The following FILIP1L variants were observed in gnomAD, a reference collection of about 807,000 sequenced individuals.
FILIP1L encodes the protein filamin A interacting protein 1 like.
A neutral mutation model predicts 96.6 loss-of-function variants in FILIP1L; 55 were observed. The ratio of observed to expected loss-of-function variants is 0.57; its 90% CI spans 0.46 to 0.71. The LOEUF (loss-of-function observed/expected upper bound fraction) is 0.71, where lower values mean the gene tolerates loss of function less well. Ranked by LOEUF, FILIP1L falls within the 30% of genes least tolerant of loss-of-function variation. The pLI is 0.00. For synonymous variants in FILIP1L, 467 were observed against 473.9 expected (o/e 0.99, Z 0.19); for missense variants, 1,304 against 1,321.2 (o/e 0.99, Z 0.20).
At position 99,857,111 on chromosome 3, in the gene FILIP1L, A is replaced by G. The variant is rs148580599; in HGVS notation, c.606-6041T>C. ...CACATGAATTTTTTTTGAATAAATG[A>G]AAGAATGAACAAATACTCCCTTTTG... is the stretch of plus-strand genomic sequence containing the variant. On this transcript the variant is annotated intron_variant, in intron 4 of 5. Transcript: ENST00000477258. Among the ~76,000 whole-genome samples the G allele has an allele frequency of 1.7e-3, 263 of 152,350 alleles. 1 individual carries two copies. The highest frequency in any genetic ancestry group is 2.6e-3 in the Non-Finnish European group (178 of 68,032).
At chr3:99,900,925 G>T (rs964343741) in intron 4 of FILIP1L, among the ~76,000 whole-genome samples, 1 of 152,230 alleles carries the variant, frequency 6.6e-6, no homozygotes, top group Non-Finnish European at 1.5e-5. Flanking sequence ...GAGTATGCCT[G>T]AGGGGAAGGG....
chr3:99,848,601 G>A lies in FILIP1L; in HGVS notation c.3075C>T (p.Ile1025=). 1.2e-6 allele frequency: 2 copies of A among 1,614,186 alleles called. No individual in the cohort carries two copies. The highest frequency in any genetic ancestry group is 1.7e-6 in the Non-Finnish European group (2 of 1,180,030). The change falls in exon 5 of 6, where the codon ATC becomes ATT. Residue 1025 remains isoleucine, a synonymous_variant. Transcript: ENST00000477258. ...CTCTGAATATCGCATGCTTGGCACT[G>A]ATTTCTGTTGGTTCTGGGGAGCGTC... ...EQGRSPEPTE[I]SAKHAIFRVS...
At chr3:100,078,856 A>G (rs1008346400) in intron 1 of FILIP1L, among the ~76,000 whole-genome samples, 1 of 152,120 alleles carries the variant, frequency 6.6e-6, no homozygotes, top group Admixed American at 6.5e-5. Flanking sequence ...ACACCACTGC[A>G]CTCCAGCCTG....
At chr3:99,970,612 C>G (rs1708784564) in intron 1 of FILIP1L, among the ~76,000 whole-genome samples, 1 of 152,154 alleles carries the variant, frequency 6.6e-6, no homozygotes, top group South Asian at 2.1e-4. Flanking sequence ...GAAAATAGTT[C>G]TAGACCTTGC....
At chr3:100,078,035 A>C (rs1214419561) in intron 1 of FILIP1L, among the ~76,000 whole-genome samples, 1 of 152,180 alleles carries the variant, frequency 6.6e-6, no homozygotes. Context: ...TTGTACTAAC[A>C]ATATTGAGTT....
Position 99,850,996 on chromosome 3 carries a change from G to T in FILIP1L, c.680C>A (p.Thr227Asn). 1 of 1,613,814 alleles carries T rather than the reference G, an allele frequency of 6.2e-7. No individual in the cohort carries two copies. The highest frequency in any genetic ancestry group is 1.1e-5 in the South Asian group (1 of 91,032). ...CAGCTTGGTCAGCTCCTCTTTCAGG[G>T]TGGTGACCCTTTTCTCCTTTTCTTG... ...KEQEKEKRVT[T>N]LKEELTKLKS... is the part of the protein sequence containing the mutation. Residue 227 changes from threonine to asparagine, a missense_variant, in exon 5 of 6, where the codon ACC becomes AAC. Thr to Asn is a moderately conservative substitution (Grantham distance 65). Coordinates refer to ENST00000477258, the MANE Select transcript of FILIP1L (RefSeq NM_001387850.1).
intron 1 of FILIP1L, among the ~76,000 whole-genome samples, chr3:99,945,605 T>C (rs1707985903): frequency 6.6e-6 from 1 of 152,238 alleles, no homozygotes; most frequent in South Asian, 2.1e-4. Context: ...GCAATGATTA[T>C]GAAGCATTTA....
intron 4 of FILIP1L, among the ~76,000 whole-genome samples, chr3:99,896,767 GA>G (rs1706268534): frequency 6.6e-6 from 1 of 152,110 alleles, no homozygotes; most frequent in South Asian, 2.1e-4. Flanking sequence ...GGTTCCAGAG[GA>G]CTAGGGTTTA....
intron 4 of FILIP1L, among the ~76,000 whole-genome samples, chr3:99,908,401 C>A (rs1383598071): frequency 6.6e-6 from 1 of 152,190 alleles, no homozygotes; most frequent in South Asian, 2.1e-4. Context: ...ATTTGAAATA[C>A]CATTATGTTC....
Position 99,937,692 on chromosome 3 carries a change from G to A in FILIP1L, c.-10-6662C>T, listed in dbSNP as rs74655957. On this transcript the variant is annotated intron_variant, in intron 1 of 5. Transcript: ENST00000477258. ...TTGGACCTCAGCAGGGATTTATTGAGTGATTGAATCATGCAGTCCTCAGCA... is the reference window on the plus strand; with the variant it reads ...TTGGACCTCAGCAGGGATTTATTGAATGATTGAATCATGCAGTCCTCAGCA... Among the ~76,000 whole-genome samples the A allele has an allele frequency of 2.0e-5, 3 of 152,322 alleles. No homozygotes were observed. In the East Asian group the frequency reaches 5.8e-4, roughly 29 times the overall value.
intron 4 of FILIP1L, among the ~76,000 whole-genome samples, chr3:99,914,502 A>G (rs943959249): frequency 6.6e-6 from 1 of 152,172 alleles, no homozygotes; most frequent in African/African-American, 2.4e-5. Context: ...GATTCATGTC[A>G]TTAACATTCA....
chr3:100,071,520 TG>T, intron 1 of FILIP1L, among the ~76,000 whole-genome samples: 2 of 152,092 alleles, frequency 1.3e-5, no homozygotes. Flanking sequence ...GGGAGAAGGG[TG>T]GGGGGCAGAG....
intron 4 of FILIP1L, among the ~76,000 whole-genome samples, chr3:99,856,415 G>A (rs1943968719): frequency 6.6e-6 from 1 of 152,136 alleles, no homozygotes; most frequent in Non-Finnish European, 1.5e-5. Flanking sequence ...AAAGACTATT[G>A]TCTTGGAGTA....
At position 99,849,873 on chromosome 3, in the gene FILIP1L, A is replaced by G. The variant is rs1943574406; in HGVS notation, c.1803T>C (p.Asp601=). Residue 601 remains aspartate (D), a synonymous_variant, in exon 5 of 6, where the codon GAT becomes GAC. Coordinates refer to ENST00000477258, the MANE Select transcript of FILIP1L (RefSeq NM_001387850.1). ...RLQSLEAIEK[D]FLKNKLNQDS... is the part of the protein sequence containing the mutation. ...CTTGATTTAATTTGTTTTTTAGGAA[A>G]TCTTTCTCAATTGCTTCCAATGATT... 7 of 1,610,928 alleles carry G rather than the reference A, an allele frequency of 4.3e-6. No individual in the cohort carries two copies. The highest frequency in any genetic ancestry group is 5.9e-6 in the Non-Finnish European group (7 of 1,179,436).
At chr3:100,001,183 C>T (rs961417558) in intron 1 of FILIP1L, among the ~76,000 whole-genome samples, 1 of 152,184 alleles carries the variant, frequency 6.6e-6, no homozygotes, top group Non-Finnish European at 1.5e-5. Flanking sequence ...TAGCCATACC[C>T]TCTCACTTTG....
intron 1 of FILIP1L, among the ~76,000 whole-genome samples, chr3:99,983,393 T>TAAATAAATAA (rs1401992303): frequency 5.7e-5 from 5 of 87,058 alleles, no homozygotes; most frequent in African/African-American, 2.6e-4. Flanking sequence ...TAAATAAATA[T>TAAATAAATAA]ATATATATAT....
chr3:100,054,468 G>A (rs1352304138), intron 1 of FILIP1L, among the ~76,000 whole-genome samples: 2 of 148,536 alleles, frequency 1.3e-5, no homozygotes, highest in African/African-American at 5.0e-5. Context: ...GACCTGCTTC[G>A]TTCATTATAT....
At chr3:100,037,259 T>C (rs1417808499) in intron 1 of FILIP1L, among the ~76,000 whole-genome samples, 3 of 152,124 alleles carry the variant, frequency 2.0e-5, no homozygotes, top group Non-Finnish European at 4.4e-5. Flanking sequence ...GGACATGATG[T>C]CTGCAACTTA....
At chr3:99,857,521 T>C (rs1001878514) in intron 4 of FILIP1L, among the ~76,000 whole-genome samples, 4 of 152,260 alleles carry the variant, frequency 2.6e-5, no homozygotes, top group African/African-American at 9.6e-5. Context: ...TGGACAAATA[T>C]GTTTGTTTAT....
Sources: gnomAD v4.1 joint callset for allele counts (sites outside exome capture counted in the v4.1 genomes callset) on GRCh38, gnomAD v4.1.1 for gene constraint, MANE v1.5 for transcripts, NCBI Gene and HGNC (gene_info 2026-07-23, HGNC 2026-07-21) for gene names.